CCDC146: variants seen among roughly 807,000 people sequenced by gnomAD.
CCDC146 encodes coiled-coil domain-containing protein 146.
CCDC146 carries 92 observed loss-of-function variants against 119.3 expected under a neutral mutation model. The ratio of observed to expected loss-of-function variants is 0.77; its 90% CI spans 0.65 to 0.92. CCDC146 has a LOEUF of 0.92. Among genes scored for constraint, CCDC146 ranks in the 40% least tolerant of loss-of-function variants. CCDC146 has a pLI of 0.00. For missense variants in CCDC146, 1,000 were observed against 1,103.0 expected (o/e 0.91, Z 1.32); for synonymous variants, 372 against 371.8 (o/e 1.00, Z -0.01).
At chr7:77,128,840 C>T (rs1191027997) in intron 1 of CCDC146, among the ~76,000 whole-genome samples, 1 of 152,082 alleles carries the variant, frequency 6.6e-6, no homozygotes, top group Non-Finnish European at 1.5e-5. Context: ...CGAGGGCAGC[C>T]CCAAGTACTT....
In CCDC146 at chr7:77,161,332, G is replaced by A. The variant is rs375977151; in HGVS notation, c.-11-6326G>A. On this transcript the variant is annotated intron_variant, in intron 1 of 18. Transcript: ENST00000285871. Reference sequence around the variant, plus strand: ...AAATCATGCTGCTATAAAGACACACGCACACGTATGTTTATTGTGGCATTA... The same window carrying A: ...AAATCATGCTGCTATAAAGACACACACACACGTATGTTTATTGTGGCATTA... Among the ~76,000 whole-genome samples, 165 of 152,002 alleles carry A rather than the reference G, an allele frequency of 1.1e-3. 4 individuals carry two copies. Among genetic ancestry groups the A allele is most frequent in the African/African-American group, 3.5e-3 (143 of 41,448 alleles).
chr7:77,270,142 G>A (rs1793482979), intron 9 of CCDC146, among the ~76,000 whole-genome samples: 2 of 152,228 alleles, frequency 1.3e-5, no homozygotes, highest in South Asian at 4.1e-4. Context: ...TTAAGCTGAG[G>A]TTCACTGATA....
chr7:77,249,143 T>C (rs2150498875), intron 4 of CCDC146, among the ~76,000 whole-genome samples: 2 of 152,318 alleles, frequency 1.3e-5, no homozygotes, highest in East Asian at 3.9e-4. Context: ...CTCCTTGCAC[T>C]TCTATCAGTT....
chr7:77,252,492 C>A lies in CCDC146; in HGVS notation c.450-2014C>A, dbSNP rs182278146. Among the ~76,000 whole-genome samples the A allele has an allele frequency of 2.6e-5, 4 of 152,202 alleles. No homozygotes were observed. The East Asian group carries it at 7.7e-4, about 29-fold the overall frequency. On this transcript the variant is annotated intron_variant, in intron 4 of 18. Coordinates refer to ENST00000285871, the MANE Select transcript of CCDC146 (RefSeq NM_020879.3). ...TTTGAAAATTAAGTGAATTGAAATG[C>A]CATTACCAAAAGAAGGAATAGAAAA...
At chr7:77,236,180 C>CAAAT (rs1330399405) in intron 2 of CCDC146, among the ~76,000 whole-genome samples, 1 of 152,192 alleles carries the variant, frequency 6.6e-6, no homozygotes, top group Non-Finnish European at 1.5e-5. Context: ...AAACCTAATA[C>CAAAT]AAATGCTCAT....
At chr7:77,249,189 C>A (rs969752725) in intron 4 of CCDC146, among the ~76,000 whole-genome samples, 4 of 152,072 alleles carry the variant, frequency 2.6e-5, no homozygotes, top group Admixed American at 1.3e-4. Context: ...TTGTTAGGTG[C>A]AAATATATTA....
At chr7:77,149,388 C>G (rs1206374295) in intron 1 of CCDC146, among the ~76,000 whole-genome samples, 5 of 152,102 alleles carry the variant, frequency 3.3e-5, no homozygotes, top group Non-Finnish European at 7.4e-5. Flanking sequence ...GCTAGCTTCT[C>G]AATTTGGAAA....
chr7:77,212,448 T>C (rs966924024), intron 2 of CCDC146, among the ~76,000 whole-genome samples: 4 of 151,598 alleles, frequency 2.6e-5, no homozygotes, highest in South Asian at 2.1e-4. Context: ...GGTGAAACCC[T>C]GTCTCTACTA....
At chr7:77,190,137 T>C (rs1330423524) in intron 2 of CCDC146, among the ~76,000 whole-genome samples, 1 of 152,188 alleles carries the variant, frequency 6.6e-6, no homozygotes, top group Non-Finnish European at 1.5e-5. Context: ...AGCATTTCTA[T>C]CTCCATAAGT....
chr7:77,179,750 G>A (rs1447911117), intron 2 of CCDC146, among the ~76,000 whole-genome samples: 1 of 152,092 alleles, frequency 6.6e-6, no homozygotes, highest in Non-Finnish European at 1.5e-5. Context: ...TATTTTAACT[G>A]TTTTTAAGTG....
chr7:77,261,450 T>A lies in CCDC146; in HGVS notation c.987-671T>A, dbSNP rs1793295608. 2.0e-5 allele frequency among the ~76,000 whole-genome samples: 3 copies of A among 152,122 alleles called. No homozygotes were observed. The South Asian group carries it at 6.2e-4, about 31-fold the overall frequency. On this transcript the variant is annotated intron_variant, in intron 8 of 18. Transcript: ENST00000285871. ...ACCCACGTTCCTGCAAAGGATATGA[T>A]CTCATTCTTTTTATTTTATTTTTTA...
At chr7:77,264,546 C>G (rs909573845) in intron 9 of CCDC146, among the ~76,000 whole-genome samples, 1 of 152,222 alleles carries the variant, frequency 6.6e-6, no homozygotes, top group Non-Finnish European at 1.5e-5. Context: ...AGGTGCGAGC[C>G]ACCGCACCCA....
intron 4 of CCDC146, among the ~76,000 whole-genome samples, chr7:77,242,720 G>A (rs1792873236): frequency 1.3e-5 from 2 of 152,170 alleles, no homozygotes; most frequent in African/African-American, 4.8e-5. Context: ...TACCATTTAA[G>A]GTGGCAGAAC....
At chr7:77,265,691 G>C (rs1327603697) in intron 9 of CCDC146, among the ~76,000 whole-genome samples, 2 of 152,198 alleles carry the variant, frequency 1.3e-5, no homozygotes, top group Non-Finnish European at 2.9e-5. Flanking sequence ...AAAACATTGT[G>C]ATGGACCATC....
In CCDC146 at chr7:77,251,875, G is replaced by A. The variant is rs548461342; in HGVS notation, c.450-2631G>A. Among the ~76,000 whole-genome samples, 423 of 152,328 alleles carry A rather than the reference G, an allele frequency of 2.8e-3. 1 individual carries two copies. The highest frequency in any genetic ancestry group is 9.2e-3 in the African/African-American group (381 of 41,570). ...AAAATGAACAGATCCATGGCCGGGC[G>A]CAGTGGCTCACGCCTGTAATCCCAG... is the stretch of plus-strand genomic sequence containing the variant. On this transcript the variant is annotated intron_variant, in intron 4 of 18. Transcript: ENST00000285871.
chr7:77,201,571 C>CA (rs1197436994), intron 2 of CCDC146, among the ~76,000 whole-genome samples: 93 of 127,876 alleles, frequency 7.3e-4, no homozygotes, highest in African/African-American at 2.6e-3. Flanking sequence ...CCACCCCTCA[C>CA]AAAAAAAGAA....
intron 2 of CCDC146, among the ~76,000 whole-genome samples, chr7:77,186,319 T>C (rs2150420175): frequency 6.6e-6 from 1 of 152,202 alleles, no homozygotes; most frequent in Admixed American, 6.6e-5. Context: ...TAAAAAATAA[T>C]GAGATCCCAT....
At chr7:77,294,463 G>GGTGTGT (rs61323999) in intron 18 of CCDC146, among the ~76,000 whole-genome samples, 200 bp from the exon 19 acceptor site, 5,484 of 134,194 alleles carry the variant, frequency 0.041, 121 homozygotes, top group African/African-American at 0.059. Context: ...ATGAGAGGTA[G>GGTGTGT]GTGTGTGTGT....
rs201207845 is a variant in CCDC146, at chr7:77,199,322, G to C, written c.156+31498G>C. On this transcript the variant is annotated intron_variant, in intron 2 of 18. Transcript: ENST00000285871. Reference sequence around the variant, plus strand: ...ATATTTACAAGATTCAGCTTCTCCAGGCGACCATGAAGTACATTGATCTCC... The same window carrying C: ...ATATTTACAAGATTCAGCTTCTCCACGCGACCATGAAGTACATTGATCTCC... The C allele has an allele frequency of 8.7e-4, 1,402 of 1,614,062 alleles. 23 individuals carry two copies. The South Asian group carries it at 0.015, about 17-fold the overall frequency.
Sources: gnomAD v4.1 joint callset for allele counts (sites outside exome capture counted in the v4.1 genomes callset) on GRCh38, gnomAD v4.1.1 for gene constraint, MANE v1.5 for transcripts, NCBI Gene and HGNC (gene_info 2026-07-23, HGNC 2026-07-21) for gene names.